Variants in AFAP1 observed in about 807,000 individuals in gnomAD.
AFAP1 encodes the protein actin filament associated protein 1.
In AFAP1, 75 loss-of-function variants were observed where a neutral mutation model predicts 93.9. The observed-to-expected ratio is 0.80, with a 90% confidence interval of 0.66 to 0.97. The LOEUF is 0.97. Ranked by LOEUF, AFAP1 falls within the 50% of genes least tolerant of loss-of-function variation. The pLI, the probability that AFAP1 is intolerant of heterozygous loss-of-function variation, is 0.00. For synonymous variants in AFAP1, 517 were observed against 430.7 expected, an observed-to-expected ratio of 1.20 and a Z score of -2.48; for missense variants, 1,201 against 1,050.8, an observed-to-expected ratio of 1.14 and a Z score of -1.98.
At chr4:7,906,573 A>C (rs760909878) in intron 1 of AFAP1, among the ~76,000 whole-genome samples, 1 of 152,196 alleles carries the variant, frequency 6.6e-6, no homozygotes, top group Non-Finnish European at 1.5e-5. Context: ...ACTCCGGCCC[A>C]GTGCTCATTA....
At chr4:7,852,773 A>T (rs982206793) in intron 4 of AFAP1, among the ~76,000 whole-genome samples, 4 of 152,166 alleles carry the variant, frequency 2.6e-5, no homozygotes, top group African/African-American at 9.7e-5. Context: ...CCTTGTTTTG[A>T]TAAGAATATA....
chr4:7,895,556 TC>T (rs1386276461), intron 1 of AFAP1, among the ~76,000 whole-genome samples: 1 of 152,156 alleles, frequency 6.6e-6, no homozygotes, highest in Non-Finnish European at 1.5e-5. Flanking sequence ...AAATCTGGCC[TC>T]CCTTACATGT....
At chr4:7,833,284 G>A (rs115954745) in intron 6 of AFAP1, among the ~76,000 whole-genome samples, 492 of 152,102 alleles carry the variant, frequency 3.2e-3, no homozygotes, top group Non-Finnish European at 6.1e-3. Flanking sequence ...AATCTACAAC[G>A]AACTCAAACA....
In AFAP1 at chr4:7,883,317, AAATTT is replaced by A. The variant is rs371766907; in HGVS notation, c.-2-11242_-2-11238del. Reference sequence around the variant, plus strand: ...ACAGATCATGAAAAAGCCTTCAACAAAATTTAATAATCATTCCTGATATTTTTAAG... The same window carrying A: ...ACAGATCATGAAAAAGCCTTCAACAAAATAATCATTCCTGATATTTTTAAG... On this transcript the variant is annotated intron_variant, in intron 1 of 17. Transcript: ENST00000420658. Among the ~76,000 whole-genome samples, 39 of 152,324 alleles carry A rather than the reference AAATTT, an allele frequency of 2.6e-4. 1 individual carries two copies. The South Asian group carries it at 4.3e-3, about 17-fold the overall frequency.
intron 3 of AFAP1, among the ~76,000 whole-genome samples, chr4:7,866,386 G>A (rs1305795326): frequency 1.3e-5 from 2 of 151,986 alleles, no homozygotes; most frequent in African/African-American, 4.8e-5. Flanking sequence ...TCTACAGATG[G>A]GGTTTCGCTA....
intron 11 of AFAP1, among the ~76,000 whole-genome samples, chr4:7,792,284 T>A (rs1717930983): frequency 6.6e-6 from 1 of 152,118 alleles, no homozygotes; most frequent in South Asian, 2.1e-4. Context: ...TAGGAATAGA[T>A]CTTTCCCCAA....
At chr4:7,871,680 G>A (rs566789366) in intron 2 of AFAP1, among the ~76,000 whole-genome samples, 17 of 152,264 alleles carry the variant, frequency 1.1e-4, no homozygotes, top group African/African-American at 2.6e-4. Flanking sequence ...GCCAAGTCCC[G>A]TGAGTCCTTC....
At chr4:7,900,945 T>A (rs1349235042) in intron 1 of AFAP1, among the ~76,000 whole-genome samples, 1 of 152,232 alleles carries the variant, frequency 6.6e-6, no homozygotes, top group Non-Finnish European at 1.5e-5. Context: ...CTCTTGGTCC[T>A]GTTTCTATGT....
At chr4:7,925,283 C>G (rs1720664747) in intron 1 of AFAP1, among the ~76,000 whole-genome samples, 4 of 152,212 alleles carry the variant, frequency 2.6e-5, no homozygotes, top group Non-Finnish European at 5.9e-5. Context: ...GGTCCTCTTT[C>G]CACAAAACGC....
chr4:7,837,965 G>A (rs560085250), intron 6 of AFAP1, among the ~76,000 whole-genome samples: 1 of 152,150 alleles, frequency 6.6e-6, no homozygotes, highest in Non-Finnish European at 1.5e-5. Flanking sequence ...AGTGAACCAC[G>A]ATCATACCGC....
chr4:7,787,660 C>T (rs1025941948), intron 11 of AFAP1, among the ~76,000 whole-genome samples: 1 of 152,174 alleles, frequency 6.6e-6, no homozygotes, highest in South Asian at 2.1e-4. Flanking sequence ...GAGGTGAGGC[C>T]CAACAGTGTG....
intron 3 of AFAP1, among the ~76,000 whole-genome samples, chr4:7,867,641 C>T (rs1716574361): frequency 6.6e-6 from 1 of 152,230 alleles, no homozygotes. Context: ...CACACCTTCA[C>T]TGAGCCTCAG....
intron 11 of AFAP1, 59 bp from the exon 12 acceptor site, chr4:7,786,370 C>G: frequency 7.0e-7 from 1 of 1,420,692 alleles, no homozygotes; most frequent in Non-Finnish European, 9.9e-7. Flanking sequence ...TCCAATCAGT[C>G]AAGTCTTTAA....
chr4:7,928,661 C>T (rs558359782), intron 1 of AFAP1, among the ~76,000 whole-genome samples: 2 of 152,342 alleles, frequency 1.3e-5, no homozygotes, highest in East Asian at 1.9e-4. Flanking sequence ...GCTGGGATTA[C>T]AGGCGTGAGC....
chr4:7,774,224 T>C (rs967584264), intron 15 of AFAP1: 1 of 153,198 alleles, frequency 6.5e-6, no homozygotes, highest in African/African-American at 2.4e-5. Flanking sequence ...CTGTATTCCA[T>C]TAGCCTGGCC....
intron 7 of AFAP1, 84 bp from the exon 8 acceptor site, chr4:7,816,183 A>C: frequency 1.1e-4 from 130 of 1,187,652 alleles, no homozygotes; most frequent in Non-Finnish European, 1.4e-4. Context: ...AAGTTATCTC[A>C]AAAGTGAAAG....
intron 9 of AFAP1, among the ~76,000 whole-genome samples, chr4:7,807,313 C>A (rs936961715): frequency 1.3e-5 from 2 of 152,202 alleles, no homozygotes; most frequent in African/African-American, 4.8e-5. Flanking sequence ...TATTGTTAAT[C>A]GATAACTCTC....
At chr4:7,930,925 A>AT (rs1721031030) in intron 1 of AFAP1, among the ~76,000 whole-genome samples, 1 of 152,036 alleles carries the variant, frequency 6.6e-6, no homozygotes, top group South Asian at 2.1e-4. Flanking sequence ...TAATTTTTGT[A>AT]TTTTTTAGTA....
chr4:7,798,059 G>C (rs1718611053), intron 10 of AFAP1, among the ~76,000 whole-genome samples: 1 of 152,116 alleles, frequency 6.6e-6, no homozygotes, highest in African/African-American at 2.4e-5. Context: ...AAAGGATCTT[G>C]GAAAAAGTAT....
Sources: gnomAD v4.1 joint callset for allele counts (sites outside exome capture counted in the v4.1 genomes callset) on GRCh38, gnomAD v4.1.1 for gene constraint, MANE v1.5 for transcripts, NCBI Gene and HGNC (gene_info 2026-07-23, HGNC 2026-07-21) for gene names.